Variants in PROM1 observed in about 807,000 individuals in gnomAD.
The protein encoded by PROM1 is prominin-1.
PROM1 carries 105 observed loss-of-function variants against 116.9 expected under a neutral mutation model. The observed-to-expected ratio is 0.90, with a 90% CI of 0.77 to 1.06. The LOEUF is 1.06. PROM1 is among the 50% of genes least tolerant of loss of function. The probability of loss-of-function intolerance (pLI) is 0.00; values close to 1 mark genes in which losing one functional copy is unlikely to be tolerated. For missense variants in PROM1, 1,122 were observed against 1,045.2 expected (o/e 1.07, Z -1.01); for synonymous variants, 393 against 387.0 (o/e 1.02, Z -0.18).
At chr4:15,983,775 G>C (rs530292144) in intron 23 of PROM1, among the ~76,000 whole-genome samples, 6 of 152,300 alleles carry the variant, frequency 3.9e-5, no homozygotes, top group Admixed American at 3.3e-4. Flanking sequence ...CCACTGAGGT[G>C]CTTTCAGCAG....
intron 2 of PROM1, among the ~76,000 whole-genome samples, chr4:16,047,958 G>A (rs1736923061): frequency 6.6e-6 from 1 of 152,156 alleles, no homozygotes; most frequent in South Asian, 2.1e-4. Context: ...TATATTTGGT[G>A]TGCACTCAAT....
chr4:16,077,062 T>C (rs910108584), intron 1 of PROM1, among the ~76,000 whole-genome samples: 1 of 152,222 alleles, frequency 6.6e-6, no homozygotes, highest in Admixed American at 6.5e-5. Flanking sequence ...AAGACCTGAC[T>C]GTCCCCCAGC....
At chr4:16,028,756 T>A (rs891566984) in intron 5 of PROM1, among the ~76,000 whole-genome samples, 5 of 152,242 alleles carry the variant, frequency 3.3e-5, no homozygotes, top group African/African-American at 4.8e-5. Context: ...TTTCAGTGAA[T>A]ATCAGTTCTC....
At chr4:16,013,452 C>A in intron 10 of PROM1, 114 bp from the exon 11 acceptor site, 1 of 707,698 alleles carries the variant, frequency 1.4e-6, no homozygotes, top group Admixed American at 2.0e-5. Context: ...ATATAACATT[C>A]ATCTTAAGGG....
At chr4:16,016,541 A>G (rs919338417) in intron 9 of PROM1, among the ~76,000 whole-genome samples, 3 of 152,358 alleles carry the variant, frequency 2.0e-5, no homozygotes, top group African/African-American at 7.2e-5. Flanking sequence ...AAGATGGTCC[A>G]ATAAAATTGT....
intron 2 of PROM1, among the ~76,000 whole-genome samples, chr4:16,044,109 C>T (rs73798825): frequency 0.034 from 5,246 of 152,204 alleles, 279 homozygotes; most frequent in African/African-American, 0.11. Flanking sequence ...GTCTGAGCCA[C>T]GGAAGTAAGC....
At chr4:16,008,199 T>TA (rs1464320355) in intron 12 of PROM1, among the ~76,000 whole-genome samples, 3 of 152,204 alleles carry the variant, frequency 2.0e-5, no homozygotes, top group East Asian at 3.9e-4. Context: ...GCTTGGGAGA[T>TA]ATAAAGGGTT....
Position 15,986,549 on chromosome 4 carries a change from T to A in PROM1, c.2131-512A>T, listed in dbSNP as rs546936732. Among the ~76,000 whole-genome samples the A allele has an allele frequency of 1.2e-4, 19 of 152,270 alleles. No homozygotes were observed. The South Asian group carries it at 1.7e-3, about 13-fold the overall frequency. On this transcript the variant is annotated intron_variant, in intron 20 of 27. Coordinates refer to ENST00000447510, the MANE Select transcript of PROM1 (RefSeq NM_006017.3). ...CCCAGGGACCTCAGGGCACAGAGCC[T>A]GGCAACTCAGTCAATGGCCAGTTTC...
At chr4:16,030,773 C>T (rs912729432) in intron 5 of PROM1, among the ~76,000 whole-genome samples, 23 of 152,076 alleles carry the variant, frequency 1.5e-4, no homozygotes, top group Non-Finnish European at 3.1e-4. Context: ...TGGCTAGGCA[C>T]GGTGGCTCAC....
rs201963301 is a variant in PROM1 at position 15,984,278 on chromosome 4, G to A, written c.2358C>T (p.Tyr786=). Residue 786 remains tyrosine, a synonymous_variant, in exon 23 of 28, where the codon TAC becomes TAT. Coordinates refer to ENST00000447510, the MANE Select transcript of PROM1 (RefSeq NM_006017.3). ...GAAATCTTACCAAGGGGTCGATAAT[G>A]TAGCTACACAGAAAGACATCAACAG... ...DTAVDVFLCS[Y]IIDPLNLFWF... The A allele has an allele frequency of 2.8e-4, 452 of 1,603,436 alleles. 1 individual carries two copies. In the African/African-American group the frequency reaches 5.7e-3, roughly 20 times the overall value.
At chr4:16,019,160 C>G (rs908817284) in intron 8 of PROM1, among the ~76,000 whole-genome samples, 1 of 152,142 alleles carries the variant, frequency 6.6e-6, no homozygotes, top group African/African-American at 2.4e-5. Context: ...GATGAAAATG[C>G]CTCAAAGGCA....
At chr4:16,016,465 TA>T (rs796498677) in intron 9 of PROM1, among the ~76,000 whole-genome samples, 2 of 151,704 alleles carry the variant, frequency 1.3e-5, no homozygotes, top group Non-Finnish European at 2.9e-5. Context: ...TGTAACCAGC[TA>T]AAAAAAAGAG....
At chr4:16,069,236 A>AAAAAAAC (rs1742261731) in intron 2 of PROM1, among the ~76,000 whole-genome samples, 1 of 152,222 alleles carries the variant, frequency 6.6e-6, no homozygotes, top group African/African-American at 2.4e-5. Context: ...CTCTGCCTCG[A>AAAAAAAC]AAAAAACAAA....
intron 1 of PROM1, chr4:16,078,082 G>A (rs541586697): frequency 1.3e-5 from 2 of 152,374 alleles, no homozygotes; most frequent in East Asian, 3.9e-4. Flanking sequence ...AGCCAGGGCA[G>A]AGGGAGACTC....
intron 12 of PROM1, 145 bp downstream of exon 12, chr4:16,008,804 C>A: frequency 1.3e-6 from 1 of 742,278 alleles, no homozygotes; most frequent in Non-Finnish European, 2.2e-6. Flanking sequence ...TTCTAATGAA[C>A]ATAAACTGGG....
chr4:16,015,364 A>G lies in PROM1; in HGVS notation c.1077+802T>C, dbSNP rs1213173035. Among the ~76,000 whole-genome samples the G allele has an allele frequency of 8.5e-4, 126 of 148,884 alleles. 1 individual carries two copies. The highest frequency in any genetic ancestry group is 2.3e-3 in the African/African-American group (93 of 40,512). ...CCATCTCAAAAAAAAAAAAAAAAAA[A>G]AAGAAGAAGAAGGTGATATATGAAG... On this transcript the variant is annotated intron_variant, in intron 10 of 27. Coordinates refer to ENST00000447510, the MANE Select transcript of PROM1 (RefSeq NM_006017.3).
At chr4:16,070,761 G>A (rs560249919) in intron 2 of PROM1, among the ~76,000 whole-genome samples, 4 of 152,110 alleles carry the variant, frequency 2.6e-5, no homozygotes, top group South Asian at 2.1e-4. Flanking sequence ...ACCCTGTTCC[G>A]CTACTGTCAG....
chr4:15,992,421 C>A (rs368214323), intron 16 of PROM1, 30 bp from the exon 17 acceptor site: 2 of 1,603,102 alleles, frequency 1.2e-6, no homozygotes, highest in African/African-American at 1.3e-5. Context: ...CAAATCAGTC[C>A]CTTATTCTCC....
At chr4:16,022,107 GAGGGAAGGAGGGAAGA>G (rs1039662878) in intron 8 of PROM1, among the ~76,000 whole-genome samples, 5 of 149,852 alleles carry the variant, frequency 3.3e-5, no homozygotes, top group Admixed American at 6.7e-5. Context: ...AGGAAGGAAG[GAGGGAAGGAGGGAAGA>G]AGGGAAGGAG....
Sources: gnomAD v4.1 joint callset for allele counts (sites outside exome capture counted in the v4.1 genomes callset) on GRCh38, gnomAD v4.1.1 for gene constraint, MANE v1.5 for transcripts, NCBI Gene and HGNC (gene_info 2026-07-23, HGNC 2026-07-21) for gene names.